Variants in DGKH observed in about 807,000 individuals in gnomAD.
The protein encoded by DGKH is DAG kinase eta.
A neutral mutation model predicts 159.3 loss-of-function variants in DGKH; 90 were observed. The observed-to-expected ratio is 0.57, with a 90% confidence interval of 0.48 to 0.67. DGKH has a LOEUF of 0.67. Among genes scored for constraint, DGKH ranks in the 30% least tolerant of loss-of-function variants. The pLI is 0.00. For synonymous variants in DGKH, 536 were observed against 553.8 expected (o/e 0.97, Z 0.45); for missense variants, 1,181 against 1,506.1 (o/e 0.78, Z 3.57).
chr13:42,162,094 G>A (rs1303568843), intron 7 of DGKH, among the ~76,000 whole-genome samples: 1 of 152,102 alleles, frequency 6.6e-6, no homozygotes, highest in Non-Finnish European at 1.5e-5. Context: ...CATCATTCCT[G>A]CCCCACCCTA....
At chr13:42,133,341 T>C (rs1384333183) in intron 3 of DGKH, among the ~76,000 whole-genome samples, 1 of 152,150 alleles carries the variant, frequency 6.6e-6, no homozygotes, top group Non-Finnish European at 1.5e-5. Context: ...TTTGTTGAAA[T>C]ATTTTGAAGA....
chr13:42,188,276 G>T (rs1306719556), intron 14 of DGKH, among the ~76,000 whole-genome samples: 1 of 152,176 alleles, frequency 6.6e-6, no homozygotes, highest in Non-Finnish European at 1.5e-5. Context: ...AGTATATTGG[G>T]GGGTAGCATC....
chr13:42,137,526 T>G (rs1035677172), intron 3 of DGKH, among the ~76,000 whole-genome samples: 2 of 152,222 alleles, frequency 1.3e-5, no homozygotes, highest in African/African-American at 4.8e-5. Flanking sequence ...ATTTCTATCT[T>G]CATGACTTTG....
chr13:42,112,021 T>C (rs905184253), intron 1 of DGKH, among the ~76,000 whole-genome samples: 1 of 152,212 alleles, frequency 6.6e-6, no homozygotes, highest in Non-Finnish European at 1.5e-5. Context: ...AGAGAGTGAA[T>C]GCTGCCAGCA....
chr13:42,157,912 A>G (rs1029859264), intron 5 of DGKH, among the ~76,000 whole-genome samples: 1 of 152,170 alleles, frequency 6.6e-6, no homozygotes, highest in African/African-American at 2.4e-5. Flanking sequence ...GGCATGCGCC[A>G]TCACACCCGG....
intron 1 of DGKH, among the ~76,000 whole-genome samples, chr13:42,052,962 C>T (rs1881430408): frequency 6.6e-6 from 1 of 152,158 alleles, no homozygotes; most frequent in Non-Finnish European, 1.5e-5. Flanking sequence ...TGTCTTCTTA[C>T]AGCTAATGGC....
intron 3 of DGKH, among the ~76,000 whole-genome samples, chr13:42,133,267 AT>A (rs1955329920): frequency 6.6e-6 from 1 of 151,848 alleles, no homozygotes; most frequent in Non-Finnish European, 1.5e-5. Flanking sequence ...ATGGTGCCTT[AT>A]CCATAAGTAT....
chr13:42,057,434 A>G (rs538150136), intron 1 of DGKH, among the ~76,000 whole-genome samples: 4 of 152,166 alleles, frequency 2.6e-5, no homozygotes, highest in African/African-American at 9.7e-5. Flanking sequence ...TTGTTCCTCG[A>G]CACTCTTGTA....
chr13:42,077,602 T>C (rs574671908), intron 1 of DGKH, among the ~76,000 whole-genome samples: 2 of 152,390 alleles, frequency 1.3e-5, no homozygotes, highest in Admixed American at 6.5e-5. Context: ...TAACTTTTAC[T>C]ATGCTTGGCC....
rs191925775 is a variant in DGKH at position 42,110,961 on chromosome 13, C to T, written c.193-16502C>T. Among the ~76,000 whole-genome samples the T allele has an allele frequency of 1.3e-5, 2 of 152,018 alleles. 1 individual carries two copies. On this transcript the variant is annotated intron_variant, in intron 1 of 29. Transcript: ENST00000337343. ...AGCTAATACCTGCTGGGCTTAACAC[C>T]TAGGTGATGGGTTGATAGGTGCAGC...
intron 3 of DGKH, among the ~76,000 whole-genome samples, chr13:42,134,315 A>G (rs994856): frequency 0.37 from 56,950 of 152,054 alleles, 11,327 homozygotes; most frequent in South Asian, 0.46. Context: ...AGTCGTGTCA[A>G]AGGATTTGGG....
Position 42,214,504 on chromosome 13 carries a change from TA to T in DGKH, c.3015-2del. The T allele has an allele frequency of 6.2e-7, 1 of 1,604,660 alleles. No homozygotes were observed. Among genetic ancestry groups the T allele is most frequent in the Non-Finnish European group, 8.5e-7 (1 of 1,177,388 alleles). On this transcript the variant is annotated splice_acceptor_variant, in intron 24 of 29. Transcript: ENST00000337343. LOFTEE classifies it high-confidence loss of function. ...TATTCATTTGTTTCATTTTTGCTTT[TA>T]GGATATGTGACGCAGCCACAATTCA...
intron 13 of DGKH, among the ~76,000 whole-genome samples, chr13:42,185,377 C>T (rs1197058548): frequency 6.6e-6 from 1 of 152,162 alleles, no homozygotes; most frequent in Admixed American, 6.5e-5. Flanking sequence ...GCCACAGGAT[C>T]ATAGTGTCTC....
At chr13:42,192,030 A>G (rs183977206) in intron 16 of DGKH, among the ~76,000 whole-genome samples, 5 of 152,296 alleles carry the variant, frequency 3.3e-5, no homozygotes, top group South Asian at 2.1e-4. Flanking sequence ...AAAAGTTACT[A>G]TAAGTAAAGT....
At chr13:42,151,752 A>AAT (rs1955910080) in intron 3 of DGKH, among the ~76,000 whole-genome samples, 1 of 151,796 alleles carries the variant, frequency 6.6e-6, no homozygotes, top group Non-Finnish European at 1.5e-5. Context: ...GTTGTAATAA[A>AAT]CATATAAGTG....
chr13:42,112,202 CA>C lies in DGKH; in HGVS notation c.193-15258del, dbSNP rs1395353755. On this transcript the variant is annotated intron_variant, in intron 1 of 29. Transcript: ENST00000337343. ...TTGTGAATGAAAACAGACTATTGTA[CA>C]AACCTCTAGAATATTAAATATCAAG... Among the ~76,000 whole-genome samples the C allele has an allele frequency of 4.0e-5, 6 of 151,168 alleles. 1 individual carries two copies. The East Asian group carries it at 1.2e-3, about 29-fold the overall frequency.
chr13:42,181,145 T>G (rs368029015), intron 13 of DGKH, among the ~76,000 whole-genome samples: 1 of 151,542 alleles, frequency 6.6e-6, no homozygotes, highest in Non-Finnish European at 1.5e-5. Context: ...GGCGTGATGG[T>G]GGGCGCCTGT....
chr13:42,120,406 G>A (rs865827017), intron 1 of DGKH, among the ~76,000 whole-genome samples: 4 of 152,090 alleles, frequency 2.6e-5, no homozygotes, highest in Admixed American at 1.3e-4. Context: ...GAATAAATAA[G>A]TATATTTCAA....
chr13:42,170,075 AT>A, intron 11 of DGKH, among the ~76,000 whole-genome samples: 1 of 152,252 alleles, frequency 6.6e-6, no homozygotes, highest in Non-Finnish European at 1.5e-5. Flanking sequence ...AATAAATAAA[AT>A]CACCATTATT....
Sources: gnomAD v4.1 joint callset for allele counts (sites outside exome capture counted in the v4.1 genomes callset) on GRCh38, gnomAD v4.1.1 for gene constraint, MANE v1.5 for transcripts, NCBI Gene and HGNC (gene_info 2026-07-23, HGNC 2026-07-21) for gene names.